FHOD3: variants seen among roughly 807,000 people sequenced by gnomAD.
The protein encoded by FHOD3 is formin homology 2 domain containing 3, also known as FH1/FH2 domain-containing protein 3.
In FHOD3, 90 loss-of-function variants were observed where a neutral mutation model predicts 173.0. The observed-to-expected ratio is 0.52, with a 90% CI of 0.44 to 0.62. FHOD3 has a LOEUF of 0.62. FHOD3 is among the 20% of genes least tolerant of loss of function. The pLI, the probability that FHOD3 is intolerant of heterozygous loss-of-function variation, is 0.00. For synonymous variants in FHOD3, 828 were observed against 823.0 expected (o/e 1.01, Z -0.10); for missense variants, 1,945 against 2,034.7 (o/e 0.96, Z 0.85).
intron 16 of FHOD3, among the ~76,000 whole-genome samples, chr18:36,688,655 T>G (rs555804738): frequency 6.6e-6 from 1 of 152,196 alleles, no homozygotes; most frequent in Non-Finnish European, 1.5e-5. Flanking sequence ...GAACTAAATT[T>G]TATTATTTTA....
chr18:36,530,322 C>G (rs533086206), intron 5 of FHOD3, among the ~76,000 whole-genome samples: 1 of 152,262 alleles, frequency 6.6e-6, no homozygotes, highest in South Asian at 2.1e-4. Flanking sequence ...TTGCCTGATG[C>G]TTCTCTGTAG....
intron 5 of FHOD3, among the ~76,000 whole-genome samples, chr18:36,551,026 T>C (rs1568415812): frequency 1.3e-5 from 2 of 152,210 alleles, no homozygotes; most frequent in Non-Finnish European, 2.9e-5. Context: ...TGTTTCTCCA[T>C]TAAGTATGAT....
intron 5 of FHOD3, among the ~76,000 whole-genome samples, chr18:36,535,775 A>G (rs1352143046): frequency 6.6e-6 from 1 of 152,184 alleles, no homozygotes; most frequent in East Asian, 1.9e-4. Flanking sequence ...ATAATTCAAT[A>G]AATTTTTTTG....
At chr18:36,369,440 A>AACACACACACAC (rs59109469) in intron 2 of FHOD3, among the ~76,000 whole-genome samples, 70 of 94,222 alleles carry the variant, frequency 7.4e-4, no homozygotes, top group East Asian at 2.8e-3. Flanking sequence ...ATTTTATTTA[A>AACACACACACAC]ACACACACAC....
intron 3 of FHOD3, among the ~76,000 whole-genome samples, chr18:36,501,293 G>T (rs1003925796): frequency 2.0e-5 from 3 of 152,200 alleles, no homozygotes; most frequent in African/African-American, 7.2e-5. Context: ...CTGGCTTCCT[G>T]CCCAGAGGCC....
At chr18:36,524,342 C>T (rs1040497176) in intron 5 of FHOD3, among the ~76,000 whole-genome samples, 1 of 150,936 alleles carries the variant, frequency 6.6e-6, no homozygotes, top group Non-Finnish European at 1.5e-5. Flanking sequence ...ATGTGATCTA[C>T]GGAATTTTGA....
rs1376790749 is a variant in FHOD3, at chr18:36,463,307, A to T, written c.338-38625A>T. Among the ~76,000 whole-genome samples the T allele has an allele frequency of 6.6e-3, 13 of 1,984 alleles. No homozygotes were observed. The Admixed American group carries it at 0.081, about 12-fold the overall frequency. The allele number at this position is 1,984 out of a possible 152,430, so 1.3% of individuals were successfully genotyped here. A position where few individuals can be genotyped will look rare whatever the true frequency, so the allele number is the denominator to read the frequency against. ...CATTTAACCCAAGTGCCACTAAAAT[A>T]TATATATGTAATATATATTTTTATT... On this transcript the variant is annotated intron_variant, in intron 3 of 28. Coordinates refer to ENST00000590592, the MANE Select transcript of FHOD3 (RefSeq NM_001281740.3).
At chr18:36,472,453 T>C (rs1383966824) in intron 3 of FHOD3, among the ~76,000 whole-genome samples, 1 of 152,224 alleles carries the variant, frequency 6.6e-6, no homozygotes, top group African/African-American at 2.4e-5. Context: ...AGTGTGCAAT[T>C]CAGTGGTTTT....
intron 28 of FHOD3, among the ~76,000 whole-genome samples, chr18:36,775,857 C>A (rs966119867): frequency 5.3e-5 from 8 of 152,162 alleles, no homozygotes; most frequent in Non-Finnish European, 8.8e-5. Flanking sequence ...TTCAGAGTGA[C>A]CCATGCCATC....
chr18:36,638,093 T>G, intron 10 of FHOD3, among the ~76,000 whole-genome samples: 1 of 152,332 alleles, frequency 6.6e-6, no homozygotes, highest in South Asian at 2.1e-4. Flanking sequence ...ATAAGCATAC[T>G]TCCTTTCTCA....
At chr18:36,731,282 C>G (rs2149925039) in intron 20 of FHOD3, among the ~76,000 whole-genome samples, 1 of 152,274 alleles carries the variant, frequency 6.6e-6, no homozygotes, top group African/African-American at 2.4e-5. Flanking sequence ...ATTTGTTGAT[C>G]TGAATGTCAC....
At chr18:36,677,776 A>T (rs1401760780) in intron 14 of FHOD3, among the ~76,000 whole-genome samples, 3 of 152,246 alleles carry the variant, frequency 2.0e-5, no homozygotes, top group African/African-American at 7.2e-5. Context: ...ATAAAATTTC[A>T]TGAAAAATCC....
chr18:36,724,894 C>A (rs1327865916), intron 19 of FHOD3, among the ~76,000 whole-genome samples: 1 of 152,158 alleles, frequency 6.6e-6, no homozygotes, highest in Non-Finnish European at 1.5e-5. Context: ...CTTAACTAGG[C>A]TTTCTGGAAC....
At chr18:36,298,752 T>C (rs1015143613) in intron 1 of FHOD3, among the ~76,000 whole-genome samples, 1 of 130,568 alleles carries the variant, frequency 7.7e-6, no homozygotes, top group Non-Finnish European at 1.6e-5. Flanking sequence ...GTCTACCCGT[T>C]AGAGAGGTTT....
At chr18:36,482,738 C>T (rs1005840732) in intron 3 of FHOD3, among the ~76,000 whole-genome samples, 6 of 151,940 alleles carry the variant, frequency 3.9e-5, no homozygotes, top group African/African-American at 1.5e-4. Flanking sequence ...AGTCTTTTAT[C>T]TTTCTTTCAC....
At chr18:36,318,843 G>T (rs529891078) in intron 1 of FHOD3, among the ~76,000 whole-genome samples, 4 of 152,290 alleles carry the variant, frequency 2.6e-5, no homozygotes, top group African/African-American at 9.6e-5. Context: ...CATTCAGGAT[G>T]ATATTGGCTG....
At chr18:36,335,822 CAG>C (rs1019933455) in intron 1 of FHOD3, among the ~76,000 whole-genome samples, 2 of 152,144 alleles carry the variant, frequency 1.3e-5, no homozygotes, top group African/African-American at 2.4e-5. Context: ...TGTTGCTAGA[CAG>C]GGGTGGCTCT....
intron 7 of FHOD3, among the ~76,000 whole-genome samples, chr18:36,601,258 A>G (rs536450505): frequency 6.6e-6 from 1 of 152,356 alleles, no homozygotes; most frequent in African/African-American, 2.4e-5. Flanking sequence ...AGCCAAAGCA[A>G]AAGGCTTTCT....
chr18:36,449,824 G>A (rs1466601664), intron 3 of FHOD3, among the ~76,000 whole-genome samples: 1 of 152,082 alleles, frequency 6.6e-6, no homozygotes, highest in Non-Finnish European at 1.5e-5. Context: ...TGGGCACCCA[G>A]GTTGGGTGAA....
Sources: gnomAD v4.1 joint callset for allele counts (sites outside exome capture counted in the v4.1 genomes callset) on GRCh38, gnomAD v4.1.1 for gene constraint, MANE v1.5 for transcripts, NCBI Gene and HGNC (gene_info 2026-07-23, HGNC 2026-07-21) for gene names.